The following WDR64 variants were observed in gnomAD, a reference collection of about 807,000 sequenced individuals.
WDR64 encodes WD repeat domain 64.
WDR64 carries 112 observed loss-of-function variants against 139.3 expected under a neutral mutation model. The observed-to-expected ratio is 0.80, with a 90% confidence interval of 0.69 to 0.94. The LOEUF (loss-of-function observed/expected upper bound fraction) is 0.94. Ranked by LOEUF, WDR64 falls within the 40% of genes least tolerant of loss-of-function variation. The pLI is 0.00. For missense variants in WDR64, 1,206 were observed against 1,293.1 expected (o/e 0.93, Z 1.03); for synonymous variants, 444 against 437.7 (o/e 1.01, Z -0.18).
At chr1:241,799,389 A>T (rs1659462750) in intron 27 of WDR64, among the ~76,000 whole-genome samples, 1 of 151,836 alleles carries the variant, frequency 6.6e-6, no homozygotes, top group East Asian at 1.9e-4. Flanking sequence ...AAAAAAAAAA[A>T]AGTATTTAAT....
chr1:241,767,221 T>C lies in WDR64; in HGVS notation c.2081+870T>C, dbSNP rs756762011. Among the ~76,000 whole-genome samples the C allele has an allele frequency of 7.4e-4, 113 of 152,192 alleles. 2 individuals are homozygous for C. The highest frequency in any genetic ancestry group is 1.6e-4 in the Non-Finnish European group (11 of 68,030). On this transcript the variant is annotated intron_variant, in intron 16 of 27. Transcript: ENST00000437684. Reference sequence around the variant, plus strand: ...CACCACCTCAACACGTCTGATTTATTACAGATTGGGGCTAACAAGGGCCAA... The same window carrying C: ...CACCACCTCAACACGTCTGATTTATCACAGATTGGGGCTAACAAGGGCCAA...
At chr1:241,720,586 C>A (rs1216065014) in intron 9 of WDR64, among the ~76,000 whole-genome samples, 2 of 152,096 alleles carry the variant, frequency 1.3e-5, no homozygotes, top group Admixed American at 1.3e-4. Flanking sequence ...TGTTTTTTGG[C>A]CGCATAAATG....
At position 241,716,650 on chromosome 1, in the gene WDR64, T is replaced by TATGATG. The variant is rs10612577; in HGVS notation, c.1054+4791_1054+4796dup. The stretch of plus-strand genomic sequence containing the variant: ...CTACAAAGTATAGCATGAATCAACA[T>TATGATG]ATGATGATGATGATGATGATGATGA... On this transcript the variant is annotated intron_variant, in intron 9 of 27. Transcript: ENST00000437684. 9.2e-3 allele frequency among the ~76,000 whole-genome samples: 1,384 copies of TATGATG among 151,116 alleles called. 25 individuals carry two copies. Among genetic ancestry groups the TATGATG allele is most frequent in the African/African-American group, 0.031 (1,273 of 41,118 alleles).
intron 22 of WDR64, among the ~76,000 whole-genome samples, chr1:241,780,766 G>C (rs1206762430): frequency 6.6e-6 from 1 of 151,980 alleles, no homozygotes; most frequent in Non-Finnish European, 1.5e-5. Context: ...TTAAGGTTTC[G>C]GTATTCAACT....
At position 241,738,359 on chromosome 1, in the gene WDR64, C is replaced by T. The variant is rs1431300516; in HGVS notation, c.1195-4C>T. ...GTGGTAAACTGTGTTTGTTATTCTT[C>T]CAGGTTTTCCGGGTGTGGGATATAC... On this transcript the variant is annotated splice_polypyrimidine_tract_variant and splice_region_variant and intron_variant, in intron 10 of 27. Coordinates refer to ENST00000437684, the MANE Select transcript of WDR64 (RefSeq NM_001367482.1). The T allele has an allele frequency of 2.5e-6, 4 of 1,611,136 alleles. No individual in the cohort carries two copies. The highest frequency in any genetic ancestry group is 4.5e-5 in the East Asian group (2 of 44,796).
At chr1:241,705,546 A>AAAAT (rs566830899) in intron 8 of WDR64, among the ~76,000 whole-genome samples, 19,949 of 130,200 alleles carry the variant, frequency 0.15, 1,729 homozygotes, top group Middle Eastern at 0.21. Context: ...TGTCTCTAAA[A>AAAAT]AAATAAATAA....
intron 2 of WDR64, among the ~76,000 whole-genome samples, chr1:241,669,485 G>T (rs1396216494): frequency 6.6e-6 from 1 of 152,068 alleles, no homozygotes; most frequent in Admixed American, 6.6e-5. Flanking sequence ...AAACCTAGAG[G>T]GTTTTGTACC....
intron 10 of WDR64, among the ~76,000 whole-genome samples, chr1:241,726,614 T>G (rs1282957907): frequency 1.3e-5 from 2 of 152,160 alleles, no homozygotes; most frequent in African/African-American, 4.8e-5. Context: ...TGTATCCTCA[T>G]ATACAATAGA....
At chr1:241,700,733 T>C (rs1252014387) in intron 8 of WDR64, among the ~76,000 whole-genome samples, 1 of 152,178 alleles carries the variant, frequency 6.6e-6, no homozygotes, top group Non-Finnish European at 1.5e-5. Flanking sequence ...TGAATGGAAA[T>C]AGCACTAACT....
At chr1:241,786,565 C>A (rs1394315628) in intron 23 of WDR64, among the ~76,000 whole-genome samples, 4 of 152,148 alleles carry the variant, frequency 2.6e-5, no homozygotes. Context: ...CATCCTCTTT[C>A]AGAACTCAGT....
At chr1:241,788,079 C>T (rs1659107741) in intron 24 of WDR64, 45 bp downstream of exon 24, 1 of 1,494,006 alleles carries the variant, frequency 6.7e-7, no homozygotes, top group African/African-American at 1.4e-5. Flanking sequence ...AAGAATCAAA[C>T]TGTTGAGATG....
intron 14 of WDR64, among the ~76,000 whole-genome samples, chr1:241,750,029 C>T (rs894888778): frequency 1.3e-5 from 2 of 152,170 alleles, no homozygotes; most frequent in African/African-American, 2.4e-5. Context: ...ATGCTTTATA[C>T]GCTCATATGG....
chr1:241,705,328 T>C (rs1427541911), intron 8 of WDR64, among the ~76,000 whole-genome samples: 7 of 151,576 alleles, frequency 4.6e-5, no homozygotes, highest in Non-Finnish European at 1.0e-4. Context: ...GATCATGAGG[T>C]CAGGAGATCG....
At chr1:241,660,782 C>T (rs1665802974) in intron 2 of WDR64, 122 bp downstream of exon 2, 1 of 1,058,340 alleles carries the variant, frequency 9.4e-7, no homozygotes, top group African/African-American at 1.6e-5. Context: ...GTGTCAGTTT[C>T]AATACCTACA....
chr1:241,706,693 A>C (rs944276151), intron 8 of WDR64, among the ~76,000 whole-genome samples: 30 of 152,220 alleles, frequency 2.0e-4, no homozygotes, highest in African/African-American at 7.2e-4. Flanking sequence ...ACATAGAGAT[A>C]ATACTACCTG....
At chr1:241,736,511 A>T (rs999702094) in intron 10 of WDR64, among the ~76,000 whole-genome samples, 1 of 152,086 alleles carries the variant, frequency 6.6e-6, no homozygotes, top group Non-Finnish European at 1.5e-5. Context: ...GAATGCACAG[A>T]GACCAGAATA....
At chr1:241,740,475 T>C (rs1051120808) in intron 11 of WDR64, among the ~76,000 whole-genome samples, 7 of 152,198 alleles carry the variant, frequency 4.6e-5, no homozygotes, top group Non-Finnish European at 7.4e-5. Flanking sequence ...ATCTTAAAAT[T>C]TAAACACTTC....
chr1:241,692,790 C>T (rs1463747621), intron 8 of WDR64, among the ~76,000 whole-genome samples: 1 of 152,084 alleles, frequency 6.6e-6, no homozygotes, highest in Non-Finnish European at 1.5e-5. Context: ...CTAAGATACA[C>T]AGATGGGAAA....
At chr1:241,759,388 T>C (rs190771979) in intron 15 of WDR64, among the ~76,000 whole-genome samples, 11 of 152,316 alleles carry the variant, frequency 7.2e-5, no homozygotes, top group Admixed American at 1.3e-4. Flanking sequence ...TTTGTTTTAT[T>C]GTTGTGTAAA....
Sources: gnomAD v4.1 joint callset for allele counts (sites outside exome capture counted in the v4.1 genomes callset) on GRCh38, gnomAD v4.1.1 for gene constraint, MANE v1.5 for transcripts, NCBI Gene and HGNC (gene_info 2026-07-23, HGNC 2026-07-21) for gene names.